Variants in AGL observed in about 807,000 individuals in gnomAD.
AGL encodes glycogen debranching enzyme.
Under a neutral mutation model 199.3 loss-of-function variants are expected in AGL, and 128 were observed. The ratio of observed to expected loss-of-function variants is 0.64; its 90% CI spans 0.56 to 0.74. The LOEUF (loss-of-function observed/expected upper bound fraction) is 0.74, where lower values mean the gene tolerates loss of function less well. AGL is among the 30% of genes least tolerant of loss of function. The pLI, the probability that AGL is intolerant of heterozygous loss-of-function variation, is 0.00. For missense variants in AGL, 1,809 were observed against 1,820.8 expected, an observed-to-expected ratio of 0.99 and a Z score of 0.12; for synonymous variants, 584 against 594.7, an observed-to-expected ratio of 0.98 and a Z score of 0.26.
chr1:99,859,581 T>G (rs2101079378), intron 2 of AGL, among the ~76,000 whole-genome samples: 1 of 152,172 alleles, frequency 6.6e-6, no homozygotes, highest in African/African-American at 2.4e-5. Context: ...GGAGTCTTGC[T>G]CTGTCACCCA....
rs1027947011 is a variant in AGL, at chr1:99,916,447, G to A, written c.4297G>A (p.Asp1433Asn). ...CTGTGGAATTTATGACAATGCATTA[G>A]ACAATGACAACTACAATCTTGCTAA... ...VYCGIYDNALDNDNYNLAKGF... is the reference protein window; with the variant it reads ...VYCGIYDNALNNDNYNLAKGF... The change falls in exon 32 of 34, where the codon GAC becomes AAC. Residue 1433 changes from aspartate to asparagine, a missense_variant. Physicochemically the swap from Asp to Asn is conservative, Grantham distance 23. Coordinates refer to ENST00000361915, the MANE Select transcript of AGL (RefSeq NM_000642.3). 6.2e-6 allele frequency: 10 copies of A among 1,612,416 alleles called. No homozygotes were observed. Among genetic ancestry groups the A allele is most frequent in the Non-Finnish European group, 7.6e-6 (9 of 1,179,144 alleles).
At chr1:99,921,114 A>G (rs1442286747) in intron 33 of AGL, among the ~76,000 whole-genome samples, 1 of 152,196 alleles carries the variant, frequency 6.6e-6, no homozygotes, top group East Asian at 1.9e-4. Context: ...GTATTCTGGA[A>G]TGCCATTTTT....
At chr1:99,898,167 C>G (rs2100809699) in intron 25 of AGL, among the ~76,000 whole-genome samples, 1 of 152,112 alleles carries the variant, frequency 6.6e-6, no homozygotes, top group African/African-American at 2.4e-5. Flanking sequence ...CTGCCTCAGC[C>G]TCCTGAGTAG....
chr1:99,892,973 T>G (rs1302418474), intron 24 of AGL, among the ~76,000 whole-genome samples: 1 of 152,096 alleles, frequency 6.6e-6, no homozygotes, highest in Non-Finnish European at 1.5e-5. Context: ...CATGTAAGGG[T>G]CCCTATAAAT....
intron 7 of AGL, among the ~76,000 whole-genome samples, chr1:99,871,513 TTTCATA>T (rs1173806295): frequency 6.6e-6 from 1 of 151,432 alleles, no homozygotes; most frequent in Non-Finnish European, 1.5e-5. Flanking sequence ...TCTATCTGCA[TTTCATA>T]TAGGACAACC....
intron 2 of AGL, among the ~76,000 whole-genome samples, chr1:99,860,215 T>G (rs1372980033): frequency 6.6e-6 from 1 of 151,966 alleles, no homozygotes; most frequent in African/African-American, 2.4e-5. Context: ...TGTTAGTATA[T>G]CCTCTTTTAT....
intron 21 of AGL, among the ~76,000 whole-genome samples, chr1:99,890,854 T>G (rs1406837129): frequency 6.6e-6 from 1 of 152,118 alleles, no homozygotes; most frequent in Non-Finnish European, 1.5e-5. Flanking sequence ...AAATACAGGC[T>G]TATTACTTTT....
Position 99,892,452 on chromosome 1 carries a change from C to A in AGL, c.3104C>A (p.Thr1035Asn). 6.2e-7 allele frequency: 1 copy of A among 1,613,488 alleles called. No individual in the cohort carries two copies. Among genetic ancestry groups the A allele is most frequent in the Non-Finnish European group, 8.5e-7 (1 of 1,179,658 alleles). Residue 1035 changes from threonine to asparagine, a missense_variant, in exon 24 of 34, where the codon ACC becomes AAC. Transcript: ENST00000361915. ...QMSSFVQNGS[T>N]FVKHLSLGSV... ...TACAGCTTTGTTCAGAATGGTTCAA[C>A]CTTTGTGAAACACCTTTCATTGGGT...
chr1:99,881,492 A>G (rs1386806436), intron 16 of AGL, 45 bp downstream of exon 16: 1 of 1,614,038 alleles, frequency 6.2e-7, no homozygotes, highest in Non-Finnish European at 8.5e-7. Flanking sequence ...ATTTCAGAGT[A>G]AGTCTTTCCA....
chr1:99,871,080 C>T (rs759072141), intron 7 of AGL, among the ~76,000 whole-genome samples: 3 of 152,058 alleles, frequency 2.0e-5, no homozygotes, highest in Non-Finnish European at 4.4e-5. Context: ...AATTATTTCC[C>T]CTGGGTACTG....
At chr1:99,902,212 A>G (rs1653897128) in intron 26 of AGL, among the ~76,000 whole-genome samples, 1 of 152,184 alleles carries the variant, frequency 6.6e-6, no homozygotes, top group Admixed American at 6.5e-5. Flanking sequence ...AAAGAAAATG[A>G]CTTATGAATT....
intron 11 of AGL, 59 bp downstream of exon 11, chr1:99,876,656 A>T: frequency 6.3e-7 from 1 of 1,587,772 alleles, no homozygotes; most frequent in Non-Finnish European, 8.6e-7. Flanking sequence ...CAAGGTCAAA[A>T]TAAAATCTGC....
rs956838301 is a variant in AGL at position 99,885,898 on chromosome 1, C to T, written c.2681+1195C>T. ...ATGCACTTGAATCATCCCAAAACCA[C>T]GCCCCTCACCCCCAGTCTGTGAAAA... is the stretch of plus-strand genomic sequence containing the variant. On this transcript the variant is annotated intron_variant, in intron 20 of 33. Coordinates refer to ENST00000361915, the MANE Select transcript of AGL (RefSeq NM_000642.3). Among the ~76,000 whole-genome samples the T allele has an allele frequency of 2.6e-5, 4 of 152,136 alleles. No individual in the cohort carries two copies. In the South Asian group the frequency reaches 6.2e-4, roughly 24 times the overall value.
chr1:99,891,227 G>A lies in AGL; in HGVS notation c.2820G>A (p.Met940Ile), dbSNP rs1398747295. The change falls in exon 22 of 34, where the codon ATG (methionine) becomes ATA (isoleucine). Residue 940 changes from methionine (M) to isoleucine (I), a missense_variant. Coordinates refer to ENST00000361915, the MANE Select transcript of AGL (RefSeq NM_000642.3). ...ATGTCTCTGAATTTTCAGGTTTAATGTCTGTATTGGCAGAAATAAGACCAA... is the reference window on the plus strand; with the variant it reads ...ATGTCTCTGAATTTTCAGGTTTAATATCTGTATTGGCAGAAATAAGACCAA... Reference protein sequence around the residue: ...ALKYAGLQGLMSVLAEIRPKN... With the variant: ...ALKYAGLQGLISVLAEIRPKN... 2 of 1,613,422 alleles carry A rather than the reference G, an allele frequency of 1.2e-6. No individual in the cohort carries two copies. Among genetic ancestry groups the A allele is most frequent in the African/African-American group, 1.3e-5 (1 of 74,902 alleles).
At chr1:99,909,174 A>C (rs561807102) in intron 27 of AGL, among the ~76,000 whole-genome samples, 1 of 151,814 alleles carries the variant, frequency 6.6e-6, no homozygotes, top group African/African-American at 2.4e-5. Context: ...CACTGTCCCT[A>C]ACGACCTGCT....
intron 7 of AGL, among the ~76,000 whole-genome samples, chr1:99,871,485 A>T (rs992561788): frequency 6.6e-6 from 1 of 150,572 alleles, no homozygotes; most frequent in Non-Finnish European, 1.5e-5. Context: ...GAGACAAATT[A>T]GAAAGGATTA....
At chr1:99,855,710 A>G (rs1481693028) in intron 2 of AGL, among the ~76,000 whole-genome samples, 3 of 152,050 alleles carry the variant, frequency 2.0e-5, no homozygotes, top group African/African-American at 7.2e-5. Flanking sequence ...CTAAGGCAGG[A>G]GAATCGCTTG....
intron 5 of AGL, among the ~76,000 whole-genome samples, chr1:99,870,199 A>G (rs554616017): frequency 6.6e-6 from 1 of 151,966 alleles, no homozygotes; most frequent in East Asian, 1.9e-4. Flanking sequence ...GTTAGAAAAA[A>G]AAAAAGTATG....
At chr1:99,890,801 T>C (rs2100787047) in intron 21 of AGL, among the ~76,000 whole-genome samples, 1 of 152,254 alleles carries the variant, frequency 6.6e-6, no homozygotes, top group South Asian at 2.1e-4. Flanking sequence ...CTTCCTTAAA[T>C]CTAGCCTGAA....
Sources: allele counts gnomAD v4.1 joint callset (sites outside exome capture counted in the v4.1 genomes callset), GRCh38; gene constraint gnomAD v4.1.1; transcripts MANE v1.5; gene names NCBI Gene and HGNC (gene_info 2026-07-23, HGNC 2026-07-21).